Variants in DPM1 observed in about 807,000 individuals in gnomAD.
The protein encoded by DPM1 is dolichol-phosphate mannosyltransferase subunit 1.
In DPM1, 27 loss-of-function variants were observed where a neutral mutation model predicts 39.0. That is an observed-to-expected ratio of 0.69 (90% CI 0.51 to 0.95). The LOEUF (loss-of-function observed/expected upper bound fraction) is 0.95. Ranked by LOEUF, DPM1 falls within the 40% of genes least tolerant of loss-of-function variation. DPM1 has a pLI of 0.00. For synonymous variants in DPM1, 124 were observed against 109.0 expected (o/e 1.14, Z -0.86); for missense variants, 307 against 315.6 (o/e 0.97, Z 0.21).
intron 7 of DPM1, among the ~76,000 whole-genome samples, chr20:50,940,528 C>T (rs1985638842): frequency 6.6e-6 from 1 of 152,148 alleles, no homozygotes; most frequent in African/African-American, 2.4e-5. Flanking sequence ...TTTCTGTAGA[C>T]AATGCTGTAG....
chr20:50,958,016 C>A (rs912905028), intron 1 of DPM1, among the ~76,000 whole-genome samples: 3 of 152,232 alleles, frequency 2.0e-5, no homozygotes, highest in Non-Finnish European at 4.4e-5. Flanking sequence ...CCGGCTCTTG[C>A]CGCAGATCCT....
intron 6 of DPM1, 88 bp from the exon 7 acceptor site, chr20:50,941,021 CTAATTTCATAAATGTAACAT>C: frequency 1.7e-6 from 2 of 1,197,320 alleles, no homozygotes; most frequent in Non-Finnish European, 2.5e-6. Flanking sequence ...AAATGCTATA[CTAATTTCATAAATGTAACAT>C]TAATTTCATA....
chr20:50,938,066 A>G (rs768588660), intron 7 of DPM1, among the ~76,000 whole-genome samples: 9 of 152,132 alleles, frequency 5.9e-5, no homozygotes, highest in African/African-American at 1.2e-4. Flanking sequence ...ATTTTCTAAG[A>G]TATTTCTTTT....
At chr20:50,939,344 T>C (rs374791300) in intron 7 of DPM1, among the ~76,000 whole-genome samples, 6 of 152,324 alleles carry the variant, frequency 3.9e-5, no homozygotes, top group Admixed American at 1.3e-4. Flanking sequence ...TGTTGCCACA[T>C]GGCAATCAGA....
rs1179144379 is a variant in DPM1 at position 50,948,180 on chromosome 20, CCT to C, written c.295+447_295+448del. Among the ~76,000 whole-genome samples the C allele has an allele frequency of 2.0e-5, 3 of 152,294 alleles. No individual in the cohort carries two copies. In the East Asian group the frequency reaches 5.8e-4, roughly 29 times the overall value. Reference sequence around the variant, plus strand: ...CCTCCCTCTGTTACTCTCCCTCCTACCTCTGACTGGGAATTTCCCACAGTTCT... The same window carrying C: ...CCTCCCTCTGTTACTCTCCCTCCTACCTGACTGGGAATTTCCCACAGTTCT... On this transcript the variant is annotated intron_variant, in intron 3 of 8. Coordinates refer to ENST00000371588, the MANE Select transcript of DPM1 (RefSeq NM_003859.3).
chr20:50,939,352 A>T (rs1008638714), intron 7 of DPM1, among the ~76,000 whole-genome samples: 3 of 152,078 alleles, frequency 2.0e-5, no homozygotes, highest in African/African-American at 2.4e-5. Context: ...CATGGCAATC[A>T]GAGATCTTTT....
chr20:50,944,728 A>C (rs1986154377), intron 5 of DPM1: 1 of 152,228 alleles, frequency 6.6e-6, no homozygotes, highest in Non-Finnish European at 1.5e-5. Flanking sequence ...CCAAAATCTT[A>C]TTCACAGAGG....
In DPM1 at chr20:50,958,486, G is replaced by C. The variant is rs202105751; in HGVS notation, c.38C>G (p.Ser13Cys). ...ACTGCGCACTTCCAGCTCCCGCCGA[G>C]ACCTGCGAGGACTACGACTGACTTC... Reference protein sequence around the residue: ...SLEVSRSPRRSRRELEVRSPR... With the variant: ...SLEVSRSPRRCRRELEVRSPR... Residue 13 changes from serine (S) to cysteine (C), a missense_variant, in exon 1 of 9, where the codon TCT becomes TGT. This residue lies in a region of DPM1 where 206 missense variants were observed against 188.2 expected (regional missense o/e 1.09). Coordinates refer to ENST00000371588, the MANE Select transcript of DPM1 (RefSeq NM_003859.3). 1.9e-5 allele frequency: 31 copies of C among 1,613,918 alleles called. No homozygotes were observed. The highest frequency in any genetic ancestry group is 2.5e-5 in the Non-Finnish European group (30 of 1,180,014).
At chr20:50,947,319 C>T (rs1372342080) in intron 3 of DPM1, among the ~76,000 whole-genome samples, 1 of 152,192 alleles carries the variant, frequency 6.6e-6, no homozygotes, top group Non-Finnish European at 1.5e-5. Context: ...TGCAGTGAGC[C>T]GAGATTGTGC....
Position 50,935,255 on chromosome 20 carries a change from AG to A in DPM1, c.679-20del. Reference sequence around the variant, plus strand: ...TTGGAACCTAGTTTAAAAAAAAAAAAGTAACGTTAGTCTTTAAAAACAATTA... The same window carrying A: ...TTGGAACCTAGTTTAAAAAAAAAAAATAACGTTAGTCTTTAAAAACAATTA... On this transcript the variant is annotated intron_variant, in intron 8 of 8. Coordinates refer to ENST00000371588, the MANE Select transcript of DPM1 (RefSeq NM_003859.3). 6.9e-7 allele frequency: 1 copy of A among 1,441,382 alleles called. No homozygotes were observed. Among genetic ancestry groups the A allele is most frequent in the Non-Finnish European group, 9.8e-7 (1 of 1,023,664 alleles). 89.3% of individuals were successfully genotyped at this position (1,441,382 alleles called of 1,614,324 possible). A position where few individuals can be genotyped will look rare whatever the true frequency, so the allele number is the denominator to read the frequency against.
At chr20:50,958,164 C>T (rs1986936759) in intron 1 of DPM1, among the ~76,000 whole-genome samples, 199 bp downstream of exon 1, 1 of 152,218 alleles carries the variant, frequency 6.6e-6, no homozygotes. Context: ...AACCCAAGGG[C>T]AGGAATGAGA....
At chr20:50,945,330 T>C (rs1295642099) in intron 5 of DPM1, among the ~76,000 whole-genome samples, 1 of 137,034 alleles carries the variant, frequency 7.3e-6, no homozygotes, top group Non-Finnish European at 1.7e-5. Context: ...GTGTCTACTA[T>C]CTATACAGAT....
rs575145011 is a variant in DPM1, at chr20:50,935,046, T to C, written c.*86A>G. 105 of 790,952 alleles carry C rather than the reference T, an allele frequency of 1.3e-4. No individual in the cohort carries two copies. In the African/African-American group the frequency reaches 1.6e-3, roughly 12 times the overall value. The allele number at this position is 790,952 out of a possible 1,614,324, so 49.0% of individuals were successfully genotyped here. A position where few individuals can be genotyped will look rare whatever the true frequency, so the allele number is the denominator to read the frequency against. On this transcript the variant is annotated 3_prime_UTR_variant, in exon 9 of 9. Transcript: ENST00000371588. ...TTACCTTACCTTATATTTTATACTT[T>C]AAGAGTACATTTTATACAAATCAGT...
In DPM1 at chr20:50,935,147, AAG is replaced by A; in HGVS notation, c.766_767del (p.Leu256PhefsTer19). 6 of 1,586,224 alleles carry A rather than the reference AAG, an allele frequency of 3.8e-6. No individual in the cohort carries two copies. The highest frequency in any genetic ancestry group is 5.2e-6 in the Non-Finnish European group (6 of 1,155,470). On this transcript the variant is annotated frameshift_variant, in exon 9 of 9. Coordinates refer to ENST00000371588, the MANE Select transcript of DPM1 (RefSeq NM_003859.3). LOFTEE classifies it high-confidence loss of function. ...IVSFLKGLLT[L>X]FATT is the part of the protein sequence containing the mutation. ...TATCTTTCTTTTATGTAGTAGCAAAAAGAGTCAATAATCCTTTCAAGAAAGAT... is the reference window on the plus strand; with the variant it reads ...TATCTTTCTTTTATGTAGTAGCAAAAAGTCAATAATCCTTTCAAGAAAGAT...
Position 50,940,854 on chromosome 20 carries a change from T to A in DPM1, c.563+11A>T. On this transcript the variant is annotated intron_variant, in intron 7 of 8. Transcript: ENST00000371588. ...GAAGTTATATAAAAGTAGTGGAAAT[T>A]TTCACTGTACCTGAAACTTCCTGTT... The A allele has an allele frequency of 6.2e-7, 1 of 1,609,656 alleles. No individual in the cohort carries two copies. Among genetic ancestry groups the A allele is most frequent in the Non-Finnish European group, 8.5e-7 (1 of 1,176,122 alleles).
At chr20:50,952,687 T>C (rs945195542) in intron 2 of DPM1, among the ~76,000 whole-genome samples, 3 of 152,192 alleles carry the variant, frequency 2.0e-5, no homozygotes, top group African/African-American at 7.2e-5. Flanking sequence ...ACTGATCTTG[T>C]TAGAAATATT....
intron 6 of DPM1, chr20:50,941,184 C>T: frequency 5.2e-6 from 2 of 383,606 alleles, no homozygotes; most frequent in Non-Finnish European, 8.9e-6. Flanking sequence ...AGTGACCAGC[C>T]TGGGCAACAT....
At chr20:50,945,078 G>T (rs763718622) in intron 5 of DPM1, 4 of 152,700 alleles carry the variant, frequency 2.6e-5, no homozygotes, top group Non-Finnish European at 4.4e-5. Context: ...AATTATAAGT[G>T]ATTACCAATA....
At chr20:50,944,129 G>A (rs2123109008) in intron 5 of DPM1, among the ~76,000 whole-genome samples, 1 of 152,296 alleles carries the variant, frequency 6.6e-6, no homozygotes, top group Admixed American at 6.5e-5. Context: ...ACTTCCTTCA[G>A]CAATATTTGT....
Sources: allele counts gnomAD v4.1 joint callset (sites outside exome capture counted in the v4.1 genomes callset), GRCh38; gene constraint gnomAD v4.1.1; regional missense constraint gnomAD v4.1.1; transcripts MANE v1.5; gene names NCBI Gene and HGNC (gene_info 2026-07-23, HGNC 2026-07-21).